The following MPST variants were observed in gnomAD, a reference collection of about 807,000 sequenced individuals.
MPST encodes 3-mercaptopyruvate sulfurtransferase.
Under a neutral mutation model 28.5 loss-of-function variants are expected in MPST, and 27 were observed. The observed-to-expected ratio is 0.95, with a 90% CI of 0.70 to 1.31. MPST has a LOEUF of 1.31. Among genes scored for constraint, MPST ranks in the 50% most tolerant of loss-of-function variants. The pLI is 0.00. For synonymous variants in MPST, 204 were observed against 209.3 expected (o/e 0.97, Z 0.22); for missense variants, 492 against 471.1 (o/e 1.04, Z -0.41).
chr22:37,025,252 T>C (rs755387063), intron 2 of MPST: 8 of 989,040 alleles, frequency 8.1e-6, no homozygotes, highest in South Asian at 1.7e-5. Context: ...GGAACCCTGG[T>C]TGCCCAAACA....
chr22:37,023,680 GT>G (rs778360628), intron 1 of MPST: 346 of 820,298 alleles, frequency 4.2e-4, no homozygotes, highest in Non-Finnish European at 5.2e-4. Flanking sequence ...GTCAGGCATT[GT>G]TCTAGGATAT....
At chr22:37,024,992 CT>C in intron 2 of MPST, 182 bp downstream of exon 2, 1 of 1,490,558 alleles carries the variant, frequency 6.7e-7, no homozygotes, top group Non-Finnish European at 9.1e-7. Flanking sequence ...CCCTTGCCTT[CT>C]TTTCACAGGG....
Position 37,019,889 on chromosome 22 carries a change from G to C in MPST, c.36+17G>C, listed in dbSNP as rs1922926253. Reference sequence around the variant, plus strand: ...GAGACCCGGGTAACTGCCGCGGCGTGGCGGCTTGCCTTTCTGGAGGGGGAG... The same window carrying C: ...GAGACCCGGGTAACTGCCGCGGCGTCGCGGCTTGCCTTTCTGGAGGGGGAG... On this transcript the variant is annotated intron_variant, in intron 1 of 2. Transcript: ENST00000429360. 8 of 1,202,748 alleles carry C rather than the reference G, an allele frequency of 6.7e-6. No homozygotes were observed. The highest frequency in any genetic ancestry group is 8.4e-6 in the Non-Finnish European group (8 of 957,850). 74.5% of individuals were successfully genotyped at this position (1,202,748 alleles called of 1,614,324 possible).
chr22:37,020,032 C>A, intron 1 of MPST, 160 bp downstream of exon 1: 1 of 362,828 alleles, frequency 2.8e-6, no homozygotes, highest in Non-Finnish European at 4.8e-6. Flanking sequence ...TGACTGTCCG[C>A]TTGGGGCGGC....
intron 1 of MPST, chr22:37,023,672 C>T: frequency 1.4e-6 from 1 of 700,290 alleles, no homozygotes; most frequent in Non-Finnish European, 1.9e-6. Context: ...TCTACTGTGT[C>T]AGGCATTGTT....
intron 2 of MPST, chr22:37,028,920 G>A: frequency 5.2e-6 from 2 of 384,538 alleles, no homozygotes; most frequent in South Asian, 6.0e-5. Flanking sequence ...GCTGTCCCTA[G>A]GGTGCATAGT....
intron 1 of MPST, chr22:37,023,699 A>T (rs1374987471): frequency 3.1e-6 from 3 of 975,688 alleles, no homozygotes; most frequent in Non-Finnish European, 3.9e-6. Flanking sequence ...TATTGTTAGG[A>T]TTCAGTGGTA....
intron 2 of MPST, 164 bp from the exon 3 acceptor site, chr22:37,029,052 A>C: frequency 2.9e-6 from 2 of 686,424 alleles, no homozygotes; most frequent in Admixed American, 5.9e-5. Flanking sequence ...TCCTCTAAAC[A>C]GTGCTCAGGT....
chr22:37,024,912 G>T, intron 2 of MPST, 102 bp downstream of exon 2: 1 of 1,545,546 alleles, frequency 6.5e-7, no homozygotes, highest in Non-Finnish European at 8.7e-7. Flanking sequence ...AATTTATCTT[G>T]CTTTCATTTC....
chr22:37,024,088 G>A (rs939986357), intron 1 of MPST, 104 bp from the exon 2 acceptor site: 2 of 1,267,682 alleles, frequency 1.6e-6, no homozygotes, highest in African/African-American at 1.6e-5. Flanking sequence ...TGCCCTGCAC[G>A]GGCCGCACCT....
At position 37,029,568 on chromosome 22, in the gene MPST, G is replaced by A. The variant is rs376464869; in HGVS notation, c.*54G>A. On this transcript the variant is annotated 3_prime_UTR_variant, in exon 3 of 3. Coordinates refer to ENST00000429360, the MANE Select transcript of MPST (RefSeq NM_021126.8). ...TGATGCCGGCCACCAGCAATGCCTG[G>A]CCTGGTAGCTCCGCTTCTGCTTTCA... 16 of 1,498,614 alleles carry A rather than the reference G, an allele frequency of 1.1e-5. No individual in the cohort carries two copies. Among genetic ancestry groups the A allele is most frequent in the South Asian group, 5.0e-5 (4 of 80,290 alleles). 92.8% of individuals were successfully genotyped at this position (1,498,614 alleles called of 1,614,324 possible). A position where few individuals can be genotyped will look rare whatever the true frequency, so the allele number is the denominator to read the frequency against.
chr22:37,019,960 C>G, intron 1 of MPST, 88 bp downstream of exon 1: 1 of 644,050 alleles, frequency 1.6e-6, no homozygotes, highest in Non-Finnish European at 2.2e-6. Flanking sequence ...CCGCGCGGGA[C>G]CTGGGCGGAA....
Position 37,019,821 on chromosome 22 carries a change from C to A in MPST, c.-16C>A. Reference sequence around the variant, plus strand: ...CAGCTGCGGGCGCGGGGAGGGGGCGCCGCGCCGCGGGGGCCATGGCGGAGC... The same window carrying A: ...CAGCTGCGGGCGCGGGGAGGGGGCGACGCGCCGCGGGGGCCATGGCGGAGC... On this transcript the variant is annotated 5_prime_UTR_variant, in exon 1 of 3. Transcript: ENST00000429360. 1.7e-6 allele frequency: 2 copies of A among 1,191,070 alleles called. No homozygotes were observed. Among genetic ancestry groups the A allele is most frequent in the Non-Finnish European group, 2.1e-6 (2 of 950,104 alleles). The allele number at this position is 1,191,070 out of a possible 1,614,324, so 73.8% of individuals were successfully genotyped here. A position where few individuals can be genotyped will look rare whatever the true frequency, so the allele number is the denominator to read the frequency against.
intron 2 of MPST, chr22:37,025,378 A>C (rs1469921033): frequency 3.6e-6 from 1 of 275,190 alleles, no homozygotes; most frequent in African/African-American, 2.2e-5. Context: ...CATGCCCCTG[A>C]GGATGGTGGA....
chr22:37,019,810 G>T lies in MPST; in HGVS notation c.-27G>T. 2 of 1,156,314 alleles carry T rather than the reference G, an allele frequency of 1.7e-6. No homozygotes were observed. Among genetic ancestry groups the T allele is most frequent in the South Asian group, 4.4e-5 (1 of 22,908 alleles). 71.6% of individuals were successfully genotyped at this position (1,156,314 alleles called of 1,614,324 possible). ...GGAGGAGGGGACAGCTGCGGGCGCG[G>T]GGAGGGGGCGCCGCGCCGCGGGGGC... On this transcript the variant is annotated 5_prime_UTR_variant, in exon 1 of 3. Coordinates refer to ENST00000429360, the MANE Select transcript of MPST (RefSeq NM_021126.8).
At chr22:37,020,701 C>T (rs935677691) in intron 1 of MPST, among the ~76,000 whole-genome samples, 1 of 152,158 alleles carries the variant, frequency 6.6e-6, no homozygotes, top group African/African-American at 2.4e-5. Flanking sequence ...TTCTGTGGCC[C>T]AGACTGGAGT....
intron 1 of MPST, among the ~76,000 whole-genome samples, chr22:37,022,626 G>C (rs888667607): frequency 6.6e-6 from 1 of 152,182 alleles, no homozygotes; most frequent in Non-Finnish European, 1.5e-5. Flanking sequence ...CTGTGACCAC[G>C]GGCAAGGCAC....
chr22:37,022,883 G>A (rs566842173), intron 1 of MPST, among the ~76,000 whole-genome samples: 5 of 152,350 alleles, frequency 3.3e-5, no homozygotes, highest in South Asian at 2.1e-4. Flanking sequence ...GTGCCCTGGT[G>A]GGGGCTCAGC....
rs1413129929 is a variant in MPST at position 37,024,340 on chromosome 22, GGCGCGAC to G, written c.196_202del (p.Arg66SerfsTer51). The G allele has an allele frequency of 3.2e-6, 5 of 1,539,250 alleles. No individual in the cohort carries two copies. The highest frequency in any genetic ancestry group is 2.0e-5 in the Admixed American group (1 of 50,782). On this transcript the variant is annotated frameshift_variant, in exon 2 of 3. Transcript: ENST00000429360. LOFTEE classifies it high-confidence loss of function. ...GCCTCCTGGTACCTGCCGAAGCTGGGGCGCGACGCGCGACGCGAGTTCGAGGAGCGCC... is the reference window on the plus strand; with the variant it reads ...GCCTCCTGGTACCTGCCGAAGCTGGGGCGCGACGCGAGTTCGAGGAGCGCC...
Sources: gnomAD v4.1 joint callset for allele counts (sites outside exome capture counted in the v4.1 genomes callset) on GRCh38, gnomAD v4.1.1 for gene constraint, MANE v1.5 for transcripts, NCBI Gene and HGNC (gene_info 2026-07-23, HGNC 2026-07-21) for gene names.